The following XKR6 variants were observed in gnomAD, a reference collection of about 807,000 sequenced individuals.
XKR6 encodes XK related 6, also known as XK-related protein 6.
In XKR6, 22 loss-of-function variants were observed where a neutral mutation model predicts 56.7. The observed-to-expected ratio is 0.39, with a 90% CI of 0.28 to 0.55. The LOEUF (loss-of-function observed/expected upper bound fraction) is 0.55. XKR6 is among the 20% of genes least tolerant of loss of function. XKR6 has a pLI of 0.66. For synonymous variants in XKR6, 524 were observed against 387.8 expected (o/e 1.35, Z -4.13); for missense variants, 852 against 889.0 (o/e 0.96, Z 0.53).
At chr8:11,032,447 C>T (rs1369890036) in intron 1 of XKR6, among the ~76,000 whole-genome samples, 4 of 151,970 alleles carry the variant, frequency 2.6e-5, no homozygotes, top group Admixed American at 1.3e-4. Flanking sequence ...GGCTCAGCTA[C>T]GCATGCTATT....
At chr8:10,901,297 C>T (rs1800030469) in intron 2 of XKR6, among the ~76,000 whole-genome samples, 1 of 152,128 alleles carries the variant, frequency 6.6e-6, no homozygotes, top group African/African-American at 2.4e-5. Context: ...CTCAAGTGAT[C>T]TGCCCACCTT....
intron 1 of XKR6, among the ~76,000 whole-genome samples, chr8:11,111,416 G>A (rs17724226): frequency 0.44 from 66,376 of 151,956 alleles, 15,589 homozygotes; most frequent in African/African-American, 0.55. Context: ...TATAATTTGG[G>A]TGGACTTTGC....
chr8:11,179,580 G>A (rs377409851), intron 1 of XKR6, among the ~76,000 whole-genome samples: 6 of 152,100 alleles, frequency 3.9e-5, no homozygotes, highest in Non-Finnish European at 7.3e-5. Flanking sequence ...TAGAGTTTCA[G>A]TCCTACCCTT....
intron 1 of XKR6, among the ~76,000 whole-genome samples, chr8:11,174,764 T>G (rs1452029536): frequency 6.6e-6 from 1 of 152,044 alleles, no homozygotes; most frequent in Non-Finnish European, 1.5e-5. Flanking sequence ...ACCTGGAGTC[T>G]CGGGAGCACA....
chr8:11,009,410 C>G (rs772237759), intron 1 of XKR6, among the ~76,000 whole-genome samples: 1 of 152,230 alleles, frequency 6.6e-6, no homozygotes, highest in Non-Finnish European at 1.5e-5. Flanking sequence ...ACTTGGGAGG[C>G]TGAGGTGGCA....
chr8:11,195,646 G>A (rs1803841401), intron 1 of XKR6, among the ~76,000 whole-genome samples: 1 of 151,030 alleles, frequency 6.6e-6, no homozygotes, highest in Non-Finnish European at 1.5e-5. Context: ...AAATCCCACT[G>A]AGTTTCTTTT....
chr8:11,192,103 A>C (rs1294392870), intron 1 of XKR6, among the ~76,000 whole-genome samples: 1 of 152,134 alleles, frequency 6.6e-6, no homozygotes, highest in Non-Finnish European at 1.5e-5. Context: ...GGACTGATTG[A>C]GGCCAAGAGT....
intron 1 of XKR6, among the ~76,000 whole-genome samples, chr8:11,149,836 C>G (rs1387696450): frequency 6.6e-6 from 1 of 152,224 alleles, no homozygotes; most frequent in Non-Finnish European, 1.5e-5. Context: ...CCCTAAGTGT[C>G]TGCCAACAGA....
chr8:11,012,579 G>A (rs1482034784), intron 1 of XKR6, among the ~76,000 whole-genome samples: 1 of 152,038 alleles, frequency 6.6e-6, no homozygotes, highest in African/African-American at 2.4e-5. Context: ...CCATGGGGGA[G>A]GAAAAGAGCT....
intron 1 of XKR6, among the ~76,000 whole-genome samples, chr8:11,086,148 A>ATATATATATATATATATATATT (rs71203369): frequency 2.7e-4 from 32 of 120,736 alleles, no homozygotes; most frequent in African/African-American, 1.1e-3. Flanking sequence ...ATATATATAT[A>ATATATATATATATATATATATT]TTTTTTTTTA....
At chr8:11,089,595 C>G (rs937440492) in intron 1 of XKR6, among the ~76,000 whole-genome samples, 8 of 152,134 alleles carry the variant, frequency 5.3e-5, no homozygotes, top group African/African-American at 1.2e-4. Flanking sequence ...TATGACTGTT[C>G]TACTGTACTT....
At chr8:11,093,042 T>C (rs931367135) in intron 1 of XKR6, among the ~76,000 whole-genome samples, 17 of 117,672 alleles carry the variant, frequency 1.4e-4, no homozygotes, top group Admixed American at 5.2e-4. Context: ...TTCTCTTTCT[T>C]TCTCTTTCTT....
intron 1 of XKR6, among the ~76,000 whole-genome samples, chr8:11,064,973 G>A (rs1799939391): frequency 6.6e-6 from 1 of 152,180 alleles, no homozygotes; most frequent in African/African-American, 2.4e-5. Flanking sequence ...TGTTACTCTT[G>A]TAGAAAGTCT....
intron 1 of XKR6, among the ~76,000 whole-genome samples, chr8:10,932,983 T>A (rs964695431): frequency 1.3e-5 from 2 of 151,010 alleles, no homozygotes; most frequent in African/African-American, 4.9e-5. Context: ...TAGTTCTAGA[T>A]CCCTGAGGAA....
Position 10,921,560 on chromosome 8 carries a change from G to C in XKR6, c.961+3074C>G, listed in dbSNP as rs150984004. On this transcript the variant is annotated intron_variant, in intron 2 of 2. Coordinates refer to ENST00000416569, the MANE Select transcript of XKR6 (RefSeq NM_173683.4). ...ATCATTGCATCCCCACTGAAAATTA[G>C]GTATTATTCTTCTTTCTTCCAGTAT... is the stretch of plus-strand genomic sequence containing the variant. Among the ~76,000 whole-genome samples the C allele has an allele frequency of 1.6e-3, 247 of 152,320 alleles. 3 individuals are homozygous for C. Among genetic ancestry groups the C allele is most frequent in the African/African-American group, 5.8e-3 (241 of 41,576 alleles).
chr8:10,978,421 C>A (rs909780908), intron 1 of XKR6, among the ~76,000 whole-genome samples: 5 of 152,144 alleles, frequency 3.3e-5, no homozygotes, highest in African/African-American at 7.2e-5. Flanking sequence ...CTGTGAAATG[C>A]ACTCCATCTC....
intron 1 of XKR6, among the ~76,000 whole-genome samples, chr8:10,951,341 C>T (rs1314468471): frequency 7.1e-6 from 1 of 140,154 alleles, no homozygotes; most frequent in African/African-American, 2.6e-5. Flanking sequence ...GAACGCACAC[C>T]AGAATGGGAC....
chr8:10,916,141 C>G (rs1462144883), intron 2 of XKR6, among the ~76,000 whole-genome samples: 2 of 152,242 alleles, frequency 1.3e-5, no homozygotes, highest in African/African-American at 4.8e-5. Flanking sequence ...GCGTGGAGCA[C>G]TGGCAAGGGG....
chr8:11,142,639 C>T (rs939905121), intron 1 of XKR6, among the ~76,000 whole-genome samples: 5 of 152,176 alleles, frequency 3.3e-5, no homozygotes, highest in Non-Finnish European at 7.3e-5. Flanking sequence ...GAGATGCCTT[C>T]TCCCCCTTCG....
Sources: gnomAD v4.1 joint callset for allele counts (sites outside exome capture counted in the v4.1 genomes callset) on GRCh38, gnomAD v4.1.1 for gene constraint, MANE v1.5 for transcripts, NCBI Gene and HGNC (gene_info 2026-07-23, HGNC 2026-07-21) for gene names.